Variants in ROBO1 observed in about 807,000 individuals in gnomAD.
The protein encoded by ROBO1 is roundabout homolog 1.
A neutral mutation model predicts 195.9 loss-of-function variants in ROBO1; 149 were observed. The observed-to-expected ratio is 0.76, with a 90% confidence interval of 0.67 to 0.87. ROBO1 has a LOEUF of 0.87. ROBO1 is among the 40% of genes least tolerant of loss of function. ROBO1 has a pLI of 0.00. For missense variants in ROBO1, 1,933 were observed against 2,068.3 expected (o/e 0.93, Z 1.27); for synonymous variants, 816 against 733.2 (o/e 1.11, Z -1.82).
In ROBO1 at chr3:78,947,442, G is replaced by A. The variant is rs189798546; in HGVS notation, c.173-8515C>T. On this transcript the variant is annotated intron_variant, in intron 3 of 30. Coordinates refer to ENST00000464233, the MANE Select transcript of ROBO1 (RefSeq NM_002941.4). ...ATGACTACTGGGTAAATAATGAAAC[G>A]AAGGCAGAAATAAAGATGTTCTTTG... 5.6e-4 allele frequency among the ~76,000 whole-genome samples: 86 copies of A among 152,248 alleles called. 2 individuals carry two copies. In the East Asian group the frequency reaches 0.014, roughly 25 times the overall value.
At chr3:78,989,006 G>A (rs2077174899) in intron 3 of ROBO1, among the ~76,000 whole-genome samples, 1 of 152,118 alleles carries the variant, frequency 6.6e-6, no homozygotes, top group Non-Finnish European at 1.5e-5. Flanking sequence ...GGAAGGTGTA[G>A]GGAGAATAGA....
At chr3:79,340,242 T>G (rs2034854566) in intron 2 of ROBO1, among the ~76,000 whole-genome samples, 1 of 152,216 alleles carries the variant, frequency 6.6e-6, no homozygotes, top group Non-Finnish European at 1.5e-5. Flanking sequence ...AAAAGTCATA[T>G]CTAATTCCAT....
chr3:78,651,616 TTATA>T, intron 19 of ROBO1, 112 bp downstream of exon 19: 2 of 765,676 alleles, frequency 2.6e-6, no homozygotes, highest in South Asian at 5.0e-5. Context: ...TTGAAAATCT[TTATA>T]TATTAAAACA....
chr3:79,216,776 C>T (rs62259703), intron 2 of ROBO1, among the ~76,000 whole-genome samples: 12,695 of 151,884 alleles, frequency 0.084, 764 homozygotes, highest in East Asian at 0.23. Flanking sequence ...AACAACTGCC[C>T]ATTATATTCA....
intron 2 of ROBO1, among the ~76,000 whole-genome samples, chr3:79,431,195 C>T (rs1184107638): frequency 1.3e-5 from 2 of 152,110 alleles, no homozygotes; most frequent in Admixed American, 1.3e-4. Context: ...GACAGAGCAC[C>T]AGTTTCCTAA....
At chr3:79,683,865 G>T (rs571415532) in intron 1 of ROBO1, among the ~76,000 whole-genome samples, 1 of 151,774 alleles carries the variant, frequency 6.6e-6, no homozygotes, top group Admixed American at 6.6e-5. Context: ...ATACATTTAG[G>T]TTATTTCTAA....
chr3:78,760,505 C>T (rs2083070863), intron 4 of ROBO1, among the ~76,000 whole-genome samples: 2 of 152,158 alleles, frequency 1.3e-5, no homozygotes, highest in Non-Finnish European at 1.5e-5. Context: ...GGCAGCTCAG[C>T]TCTATTATAA....
chr3:78,672,296 T>C (rs1055810637), intron 10 of ROBO1, among the ~76,000 whole-genome samples: 2 of 152,044 alleles, frequency 1.3e-5, no homozygotes, highest in African/African-American at 4.8e-5. Flanking sequence ...GATGAAAGAT[T>C]TGGCCGGGCA....
intron 4 of ROBO1, among the ~76,000 whole-genome samples, chr3:78,929,679 T>C (rs1490473686): frequency 1.3e-5 from 2 of 151,608 alleles, no homozygotes; most frequent in Admixed American, 6.6e-5. Flanking sequence ...ATTTTTGTAT[T>C]TTTTTGTAGA....
intron 19 of ROBO1, 67 bp downstream of exon 19, chr3:78,651,665 G>T: frequency 4.8e-6 from 6 of 1,252,832 alleles, no homozygotes; most frequent in Non-Finnish European, 6.5e-6. Flanking sequence ...TGAATAATTT[G>T]GAATCAAATA....
intron 4 of ROBO1, among the ~76,000 whole-genome samples, chr3:78,752,435 G>T (rs998225178): frequency 6.6e-6 from 1 of 151,928 alleles, no homozygotes; most frequent in East Asian, 1.9e-4. Flanking sequence ...AATACAATAG[G>T]GTCTTATTGC....
intron 8 of ROBO1, among the ~76,000 whole-genome samples, chr3:78,699,207 C>A (rs1024019321): frequency 6.6e-6 from 1 of 151,892 alleles, no homozygotes; most frequent in Admixed American, 6.6e-5. Flanking sequence ...CTATTTTGGT[C>A]TTTTCCAGTC....
intron 4 of ROBO1, among the ~76,000 whole-genome samples, chr3:78,859,793 CAG>C (rs913282326): frequency 2.6e-5 from 4 of 152,046 alleles, no homozygotes; most frequent in South Asian, 4.1e-4. Flanking sequence ...TTCAAAGAAA[CAG>C]GGGGAGCCGG....
At chr3:79,480,422 C>G (rs1938776228) in intron 2 of ROBO1, among the ~76,000 whole-genome samples, 1 of 152,212 alleles carries the variant, frequency 6.6e-6, no homozygotes, top group South Asian at 2.1e-4. Context: ...GTCTAAAGAG[C>G]TTTTCCTTTC....
intron 26 of ROBO1, among the ~76,000 whole-genome samples, chr3:78,625,722 A>G (rs1704720375): frequency 6.6e-6 from 1 of 152,252 alleles, no homozygotes; most frequent in Non-Finnish European, 1.5e-5. Context: ...GGCAGAAAGC[A>G]TAAGTATGAT....
At chr3:78,693,169 C>A in intron 8 of ROBO1, 8 of 710,730 alleles carry the variant, frequency 1.1e-5, no homozygotes, top group Non-Finnish European at 1.8e-5. Context: ...ACTCTTTTCA[C>A]AGTTACCCAT....
At chr3:79,303,372 G>T (rs1034906429) in intron 2 of ROBO1, among the ~76,000 whole-genome samples, 1 of 151,976 alleles carries the variant, frequency 6.6e-6, no homozygotes, top group Non-Finnish European at 1.5e-5. Flanking sequence ...CGCCACGTTG[G>T]CCAGGCTGCT....
chr3:79,528,703 A>G (rs148075205), intron 2 of ROBO1, among the ~76,000 whole-genome samples: 1 of 152,306 alleles, frequency 6.6e-6, no homozygotes, highest in Non-Finnish European at 1.5e-5. Context: ...GCAAGGCTTA[A>G]AATGATTCTC....
chr3:79,603,327 G>A (rs1944392413), intron 1 of ROBO1, among the ~76,000 whole-genome samples: 1 of 151,938 alleles, frequency 6.6e-6, no homozygotes, highest in South Asian at 2.1e-4. Flanking sequence ...GCTCAAACAA[G>A]CCAAGCCAAT....
Sources: allele counts gnomAD v4.1 joint callset (sites outside exome capture counted in the v4.1 genomes callset), GRCh38; gene constraint gnomAD v4.1.1; transcripts MANE v1.5; gene names NCBI Gene and HGNC (gene_info 2026-07-23, HGNC 2026-07-21).